MRPL37: variants seen among roughly 807,000 people sequenced by gnomAD.
MRPL37 encodes the protein mitochondrial ribosomal protein L37.
Under a neutral mutation model 44.1 loss-of-function variants are expected in MRPL37, and 34 were observed. The observed-to-expected ratio is 0.77, with a 90% CI of 0.59 to 1.03. The LOEUF is 1.03. Among genes scored for constraint, MRPL37 ranks in the 50% least tolerant of loss-of-function variants. The probability of loss-of-function intolerance (pLI) is 0.00; values close to 1 mark genes in which losing one functional copy is unlikely to be tolerated. For synonymous variants in MRPL37, 212 were observed against 219.5 expected (o/e 0.97, Z 0.30); for missense variants, 532 against 543.7 (o/e 0.98, Z 0.21).
In MRPL37 at chr1:54,212,643, C is replaced by T. The variant is rs1557733890; in HGVS notation, c.975C>T (p.Ala325=). 1.2e-6 allele frequency: 2 copies of T among 1,614,188 alleles called. No individual in the cohort carries two copies. Among genetic ancestry groups the T allele is most frequent in the Non-Finnish European group, 1.7e-6 (2 of 1,180,032 alleles). ...CTTTTGGCAGTGCCCTGGCTCAGGC[C>T]CGGCTCCTCTATGGGGTATGTAGGT... ...LFAFGSALAQ[A]RLLYGNDAKV... Residue 325 remains alanine (A), a synonymous_variant, in exon 5 of 7, where the codon GCC becomes GCT. Transcript: ENST00000360840.
chr1:54,222,359 G>C (rs898946929), downstream of MRPL37, among the ~76,000 whole-genome samples: 5 of 152,324 alleles, frequency 3.3e-5, no homozygotes, highest in Admixed American at 6.5e-5. Flanking sequence ...AAGGCCCTGG[G>C]GGGGCAGACA....
intron 5 of MRPL37, among the ~76,000 whole-genome samples, chr1:54,215,651 C>T (rs1031546798): frequency 3.9e-4 from 59 of 152,180 alleles, no homozygotes; most frequent in Admixed American, 3.9e-3. Flanking sequence ...CACCCATCTT[C>T]GTGACTTCCG....
At chr1:54,221,657 A>ATGCAGTCACACTCCCACC (rs1644235009), downstream of MRPL37, among the ~76,000 whole-genome samples, 1 of 152,020 alleles carries the variant, frequency 6.6e-6, no homozygotes, top group Non-Finnish European at 1.5e-5. Flanking sequence ...ACACTCCCAC[A>ATGCAGTCACACTCCCACC]CATGCAGTCA....
chr1:54,207,366 A>G (rs2100505633), intron 3 of MRPL37: 1 of 152,352 alleles, frequency 6.6e-6, no homozygotes, highest in Admixed American at 6.5e-5. Context: ...TCAGGCAGGG[A>G]TGTTCAGAGA....
At position 54,200,496 on chromosome 1, in the gene MRPL37, C is replaced by G; in HGVS notation, c.253C>G (p.Pro85Ala). The part of the protein sequence containing the change: ...FPPWDRGYKD[P>A]RFYRSPPLHE... The stretch of plus-strand genomic sequence containing the variant: ...GCCCTGGGACCGCGGCTACAAGGAC[C>G]CAAGGTTCTACCGCTCGCCCCCTCT... Residue 85 changes from proline (P) to alanine (A), a missense_variant, in exon 1 of 7, where the codon CCA (proline) becomes GCA (alanine). Physicochemically the swap from Pro to Ala is conservative, Grantham distance 27. Coordinates refer to ENST00000360840, the MANE Select transcript of MRPL37 (RefSeq NM_016491.4). 6.2e-7 allele frequency: 1 copy of G among 1,614,194 alleles called. No homozygotes were observed. Among genetic ancestry groups the G allele is most frequent in the South Asian group, 1.1e-5 (1 of 91,084 alleles).
At position 54,218,360 on chromosome 1, in the gene MRPL37, A is replaced by G; in HGVS notation, c.*111A>G. On this transcript the variant is annotated 3_prime_UTR_variant, in exon 7 of 7. Transcript: ENST00000360840. ...TTGGCCTGCTGCTCTCGCTGACAAT[A>G]AAGAGCCCTTGCGTTGCACTGAAGC... 2 of 1,582,150 alleles carry G rather than the reference A, an allele frequency of 1.3e-6. No individual in the cohort carries two copies. Among genetic ancestry groups the G allele is most frequent in the Non-Finnish European group, 1.7e-6 (2 of 1,168,598 alleles).
downstream of MRPL37, chr1:54,224,986 G>C (rs1311629513): frequency 1.1e-5 from 9 of 810,374 alleles, no homozygotes; most frequent in Non-Finnish European, 1.5e-5. Flanking sequence ...GCCAACAGCA[G>C]GCACTTGAGG....
intron 4 of MRPL37, among the ~76,000 whole-genome samples, chr1:54,212,190 A>G (rs970662392): frequency 6.6e-6 from 1 of 152,244 alleles, no homozygotes; most frequent in Non-Finnish European, 1.5e-5. Context: ...TTTTCTGTGA[A>G]GAGTCAAAAC....
rs552676131 is a variant in MRPL37, at chr1:54,202,496, T to C, written c.346+1907T>C. ...TCTCTTTCCTTCCTTCCTTTCTCTC[T>C]GTCTCTCTCTCTCTCTTTTTTTTTC... On this transcript the variant is annotated intron_variant, in intron 1 of 6. Transcript: ENST00000360840. Among the ~76,000 whole-genome samples, 4 of 152,184 alleles carry C rather than the reference T, an allele frequency of 2.6e-5. No homozygotes were observed. In the South Asian group the frequency reaches 8.3e-4, roughly 32 times the overall value.
At chr1:54,225,136 A>G, downstream of MRPL37, 2 of 1,234,318 alleles carry the variant, frequency 1.6e-6, no homozygotes, top group East Asian at 3.2e-5. Flanking sequence ...AAAATAAAAG[A>G]CATTCCAGCG....
In MRPL37 at chr1:54,203,513, G is replaced by A. The variant is rs1272727912; in HGVS notation, c.347-1505G>A. Among the ~76,000 whole-genome samples the A allele has an allele frequency of 2.6e-5, 3 of 114,548 alleles. No homozygotes were observed. The Admixed American group carries it at 3.8e-4, about 15-fold the overall frequency. 75.1% of individuals were successfully genotyped at this position (114,548 alleles called of 152,430 possible). On this transcript the variant is annotated intron_variant, in intron 1 of 6. Transcript: ENST00000360840. The stretch of plus-strand genomic sequence containing the variant: ...TTTTGAGGTGGAGTCTTGCTCTGTT[G>A]CCCTAGCTGGAGTGCAGTGGCGTGA...
In MRPL37 at chr1:54,203,392, G is replaced by A. The variant is rs914878748; in HGVS notation, c.347-1626G>A. ...AACCAGATTAAATTAAAAAACAGGCGAGGGGATCAGTACAAAGGAAAAATA... is the reference window on the plus strand; with the variant it reads ...AACCAGATTAAATTAAAAAACAGGCAAGGGGATCAGTACAAAGGAAAAATA... On this transcript the variant is annotated intron_variant, in intron 1 of 6. Coordinates refer to ENST00000360840, the MANE Select transcript of MRPL37 (RefSeq NM_016491.4). Among the ~76,000 whole-genome samples, 4 of 151,532 alleles carry A rather than the reference G, an allele frequency of 2.6e-5. No individual in the cohort carries two copies. The East Asian group carries it at 5.8e-4, about 22-fold the overall frequency.
intron 6 of MRPL37, among the ~76,000 whole-genome samples, chr1:54,217,512 C>G (rs1182210912): frequency 1.3e-5 from 2 of 152,226 alleles, no homozygotes; most frequent in African/African-American, 4.8e-5. Flanking sequence ...CTCCACCCCT[C>G]AGCATTCGCC....
At position 54,200,544 on chromosome 1, in the gene MRPL37, G is replaced by A; in HGVS notation, c.301G>A (p.Asp101Asn). The change falls in exon 1 of 7, where the codon GAC (aspartate) becomes AAC (asparagine). Residue 101 changes from aspartate (D) to asparagine (N), a missense_variant. Physicochemically the swap from Asp to Asn is conservative, Grantham distance 23. Transcript: ENST00000360840. The stretch of plus-strand genomic sequence containing the variant: ...TCTTCACGAGCATCCGCTGTACAAA[G>A]ACCAGGCCTGCTATATCTTTCACCA... ...PPLHEHPLYKDQACYIFHHRC... is the reference protein window; with the variant it reads ...PPLHEHPLYKNQACYIFHHRC... 6.2e-7 allele frequency: 1 copy of A among 1,612,322 alleles called. No homozygotes were observed. The highest frequency in any genetic ancestry group is 8.5e-7 in the Non-Finnish European group (1 of 1,178,578).
intron 5 of MRPL37, among the ~76,000 whole-genome samples, chr1:54,215,881 GGCAGGA>G (rs1296744229): frequency 6.6e-6 from 1 of 152,144 alleles, no homozygotes; most frequent in Admixed American, 6.5e-5. Context: ...GCCTCTCAGT[GGCAGGA>G]ACTATTACTT....
downstream of MRPL37, chr1:54,225,089 C>G (rs879423662): frequency 1.2e-5 from 15 of 1,234,142 alleles, no homozygotes; most frequent in Admixed American, 4.6e-4. Flanking sequence ...CCATAGAAAA[C>G]AGAGGGCACC....
At chr1:54,200,643 C>T (rs967658122) in intron 1 of MRPL37, 54 bp downstream of exon 1, 1 of 1,513,862 alleles carries the variant, frequency 6.6e-7, no homozygotes. Flanking sequence ...CAGCACCGAC[C>T]CCGACCCTCT....
In MRPL37 at chr1:54,212,618, C is replaced by T; in HGVS notation, c.950C>T (p.Ala317Val). Reference protein sequence around the residue: ...DQLRAKMILFAFGSALAQARL... With the variant: ...DQLRAKMILFVFGSALAQARL... ...CTGCGGGCCAAGATGATCCTGTTTGCTTTTGGCAGTGCCCTGGCTCAGGCC... is the reference window on the plus strand; with the variant it reads ...CTGCGGGCCAAGATGATCCTGTTTGTTTTTGGCAGTGCCCTGGCTCAGGCC... The change falls in exon 5 of 7, where the codon GCT becomes GTT. Residue 317 changes from alanine (A) to valine (V), a missense_variant. Transcript: ENST00000360840. 6.2e-7 allele frequency: 1 copy of T among 1,614,234 alleles called. No individual in the cohort carries two copies. The highest frequency in any genetic ancestry group is 1.1e-5 in the South Asian group (1 of 91,086).
At position 54,210,217 on chromosome 1, in the gene MRPL37, C is replaced by G. The variant is rs933618001; in HGVS notation, c.832+86C>G. The G allele has an allele frequency of 5.2e-6, 7 of 1,356,780 alleles. No individual in the cohort carries two copies. The African/African-American group carries it at 1.0e-4, about 20-fold the overall frequency. The allele number at this position is 1,356,780 out of a possible 1,614,324, so 84.0% of individuals were successfully genotyped here. On this transcript the variant is annotated intron_variant, in intron 4 of 6. Coordinates refer to ENST00000360840, the MANE Select transcript of MRPL37 (RefSeq NM_016491.4). ...AGGGAAAGGATATACTAAGAACTTG[C>G]TAGGTGCTAGGCACCTCGTGTGTAT...
Sources: gnomAD v4.1 joint callset for allele counts (sites outside exome capture counted in the v4.1 genomes callset) on GRCh38, gnomAD v4.1.1 for gene constraint, MANE v1.5 for transcripts, NCBI Gene and HGNC (gene_info 2026-07-23, HGNC 2026-07-21) for gene names.